ANKFN1: variants seen among roughly 807,000 people sequenced by gnomAD.
ANKFN1 encodes ankyrin repeat and fibronectin type III domain containing 1.
In ANKFN1, 74 loss-of-function variants were observed where a neutral mutation model predicts 108.7. The observed-to-expected ratio is 0.68, with a 90% CI of 0.56 to 0.83. ANKFN1 has a LOEUF of 0.83. ANKFN1 is among the 40% of genes least tolerant of loss of function. ANKFN1 has a pLI of 0.00. For missense variants in ANKFN1, 1,505 were observed against 1,382.3 expected, an observed-to-expected ratio of 1.09 and a Z score of -1.41; for synonymous variants, 547 against 516.2, an observed-to-expected ratio of 1.06 and a Z score of -0.81.
intron 8 of ANKFN1, among the ~76,000 whole-genome samples, chr17:56,375,162 G>A (rs1406923632): frequency 6.6e-6 from 1 of 152,174 alleles, no homozygotes; most frequent in Admixed American, 6.5e-5. Flanking sequence ...TATATTGGAG[G>A]TCAGGAAAGA....
At chr17:56,372,522 T>C in intron 6 of ANKFN1, 124 bp from the exon 7 acceptor site, 1 of 817,608 alleles carries the variant, frequency 1.2e-6, no homozygotes, top group Admixed American at 3.0e-5. Context: ...CAAACACAGA[T>C]CCCACTTTTC....
intron 1 of ANKFN1, among the ~76,000 whole-genome samples, chr17:56,196,967 G>A (rs145920114): frequency 9.3e-4 from 142 of 152,112 alleles, no homozygotes; most frequent in Non-Finnish European, 1.5e-3. Flanking sequence ...GAATTGTGTC[G>A]GTATTTACTT....
At chr17:56,141,914 G>A (rs1367568579) in intron 4 of ANKFN1, among the ~76,000 whole-genome samples, 1 of 149,240 alleles carries the variant, frequency 6.7e-6, no homozygotes, top group African/African-American at 2.5e-5. Flanking sequence ...TTTTCATAAC[G>A]ATGGTGTACT....
intron 8 of ANKFN1, among the ~76,000 whole-genome samples, chr17:56,433,196 A>G (rs12452506): frequency 0.044 from 6,673 of 152,160 alleles, 194 homozygotes; most frequent in Non-Finnish European, 0.06. Flanking sequence ...TTTTTGTTGA[A>G]CTTTTGAATC....
intron 8 of ANKFN1, among the ~76,000 whole-genome samples, chr17:56,428,259 G>C (rs1204353640): frequency 6.6e-6 from 1 of 151,366 alleles, no homozygotes; most frequent in Non-Finnish European, 1.5e-5. Context: ...AAAGAAAGAC[G>C]TATTTATAAC....
intron 4 of ANKFN1, among the ~76,000 whole-genome samples, chr17:56,046,803 A>T (rs1904686058): frequency 6.6e-6 from 1 of 152,196 alleles, no homozygotes; most frequent in Non-Finnish European, 1.5e-5. Context: ...AATAAACAGC[A>T]CCAAATCCAA....
rs1048509424 is a variant in ANKFN1 at position 56,511,255 on chromosome 17, A to C, written c.3427A>C (p.Ser1143Arg). 1 of 1,526,984 alleles carries C rather than the reference A, an allele frequency of 6.5e-7. No homozygotes were observed. 94.6% of individuals were successfully genotyped at this position (1,526,984 alleles called of 1,614,324 possible). Residue 1143 changes from serine to arginine, a missense_variant, in exon 21 of 21, where the codon AGC becomes CGC. Coordinates refer to ENST00000682825, the MANE Select transcript of ANKFN1 (RefSeq NM_001370326.1). ...PTASPMSEIL[S>R]SML is the part of the protein sequence containing the mutation. ...CGCCTCTCCCATGTCAGAAATACTC[A>C]GCAGCATGCTTTAGGGAGGCCCATC...
At chr17:56,183,759 C>T (rs1392901099) in intron 1 of ANKFN1, among the ~76,000 whole-genome samples, 1 of 152,136 alleles carries the variant, frequency 6.6e-6, no homozygotes, top group Non-Finnish European at 1.5e-5. Flanking sequence ...ATCTTTGTAA[C>T]AATGCAAAAA....
chr17:56,502,241 G>A (rs2051396751), intron 20 of ANKFN1, among the ~76,000 whole-genome samples: 1 of 152,120 alleles, frequency 6.6e-6, no homozygotes, highest in Admixed American at 6.5e-5. Flanking sequence ...TGGCCACAGG[G>A]TTCTTAGTGG....
At chr17:56,169,347 C>T (rs1228861751) in intron 1 of ANKFN1, among the ~76,000 whole-genome samples, 2 of 152,114 alleles carry the variant, frequency 1.3e-5, no homozygotes, top group Admixed American at 6.5e-5. Context: ...TCATAGCTCA[C>T]TATAACCCTG....
intron 1 of ANKFN1, among the ~76,000 whole-genome samples, chr17:56,189,021 G>A (rs542549347): frequency 2.6e-5 from 4 of 151,930 alleles, no homozygotes; most frequent in Non-Finnish European, 5.9e-5. Context: ...ACACATAGGG[G>A]TACTGGGAGG....
chr17:56,109,015 A>C (rs1384669914), intron 4 of ANKFN1, among the ~76,000 whole-genome samples: 1 of 152,226 alleles, frequency 6.6e-6, no homozygotes, highest in Non-Finnish European at 1.5e-5. Context: ...TGGTTAACAC[A>C]TAGGCTTTAA....
chr17:56,241,860 A>T (rs1917606992), intron 3 of ANKFN1, among the ~76,000 whole-genome samples: 1 of 152,106 alleles, frequency 6.6e-6, no homozygotes, highest in African/African-American at 2.4e-5. Flanking sequence ...TCAGACAATG[A>T]ATTTCATAAC....
At chr17:56,309,048 T>G (rs1219989050) in intron 3 of ANKFN1, among the ~76,000 whole-genome samples, 2 of 152,220 alleles carry the variant, frequency 1.3e-5, no homozygotes, top group African/African-American at 4.8e-5. Context: ...TCCAGTTTTG[T>G]TACCAAGATA....
intron 8 of ANKFN1, among the ~76,000 whole-genome samples, chr17:56,439,308 GGCCTTGCTTCCCATGGGATTTAA>G (rs1479981929): frequency 6.6e-6 from 1 of 152,012 alleles, no homozygotes; most frequent in African/African-American, 2.4e-5. Flanking sequence ...TAGAAACAGA[GGCCTTGCTTCCCATGGGATTTAA>G]GTCCCTTAAG....
intron 4 of ANKFN1, among the ~76,000 whole-genome samples, chr17:56,104,244 A>G (rs961724479): frequency 2.6e-5 from 4 of 152,272 alleles, no homozygotes; most frequent in African/African-American, 4.8e-5. Context: ...CTCAAAAAAT[A>G]TACTTGCCTT....
chr17:56,346,997 G>A (rs540848874), intron 4 of ANKFN1, among the ~76,000 whole-genome samples: 1 of 151,714 alleles, frequency 6.6e-6, no homozygotes, highest in South Asian at 2.1e-4. Flanking sequence ...TATCATTTAT[G>A]AAAAGACAAT....
intron 14 of ANKFN1, among the ~76,000 whole-genome samples, chr17:56,464,181 T>C (rs1307608286): frequency 6.6e-6 from 1 of 152,148 alleles, no homozygotes; most frequent in Non-Finnish European, 1.5e-5. Flanking sequence ...TAATTTGATG[T>C]CAATAAAAAA....
chr17:56,151,176 G>T (rs1188168361), upstream of ANKFN1, among the ~76,000 whole-genome samples: 1 of 152,100 alleles, frequency 6.6e-6, no homozygotes, highest in Admixed American at 6.5e-5. Flanking sequence ...TATAGCATTG[G>T]TCCTCTATTA....
Sources: allele counts gnomAD v4.1 joint callset (sites outside exome capture counted in the v4.1 genomes callset), GRCh38; gene constraint gnomAD v4.1.1; transcripts MANE v1.5; gene names NCBI Gene and HGNC (gene_info 2026-07-23, HGNC 2026-07-21).